The following IGF2BP1 variants were observed in gnomAD, a reference collection of about 807,000 sequenced individuals.
IGF2BP1 encodes the protein insulin like growth factor 2 mRNA binding protein 1.
A neutral mutation model predicts 74.9 loss-of-function variants in IGF2BP1; 11 were observed. The ratio of observed to expected loss-of-function variants is 0.15; its 90% CI spans 0.09 to 0.24. The LOEUF (loss-of-function observed/expected upper bound fraction) is 0.24. Among genes scored for constraint, IGF2BP1 ranks in the 10% least tolerant of loss-of-function variants. The probability of loss-of-function intolerance (pLI) is 1.00; values close to 1 mark genes in which losing one functional copy is unlikely to be tolerated. For missense variants in IGF2BP1, 440 were observed against 757.4 expected (o/e 0.58, Z 4.92); for synonymous variants, 287 against 281.8 (o/e 1.02, Z -0.18).
At chr17:49,047,250 A>T (rs1490166540) in intron 14 of IGF2BP1, among the ~76,000 whole-genome samples, 1 of 152,100 alleles carries the variant, frequency 6.6e-6, no homozygotes, top group African/African-American at 2.4e-5. Context: ...CCTTTCTGCT[A>T]TGTGACCTTG....
Position 49,055,319 on chromosome 17 carries a change from TCA to T in IGF2BP1, c.*5878_*5879del, listed in dbSNP as rs2042214528. The stretch of plus-strand genomic sequence containing the variant: ...TAGCTATTCCAACAGGTAACAGCTT[TCA>T]CAGTCTGCCCCTGGCCTGTCTCACC... On this transcript the variant is annotated 3_prime_UTR_variant, in exon 15 of 15. Coordinates refer to ENST00000290341, the MANE Select transcript of IGF2BP1 (RefSeq NM_006546.4). The T allele has an allele frequency of 3.7e-6, 1 of 271,202 alleles. No individual in the cohort carries two copies. Among genetic ancestry groups the T allele is most frequent in the African/African-American group, 2.2e-5 (1 of 45,790 alleles). The allele number at this position is 271,202 out of a possible 1,614,324, so 16.8% of individuals were successfully genotyped here.
intron 2 of IGF2BP1, among the ~76,000 whole-genome samples, chr17:49,008,172 C>CAA (rs78718299): frequency 0.028 from 2,518 of 90,140 alleles, 63 homozygotes; most frequent in African/African-American, 0.089. Flanking sequence ...AATTCCATCT[C>CAA]AAAAAAAAAA....
At position 49,038,240 on chromosome 17, in the gene IGF2BP1, G is replaced by A. The variant is rs1419679425; in HGVS notation, c.474G>A (p.Gln158=). The change falls in exon 6 of 15, where the codon CAG becomes CAA. Residue 158 remains glutamine, a synonymous_variant. Coordinates refer to ENST00000290341, the MANE Select transcript of IGF2BP1 (RefSeq NM_006546.4). ...ALKVSYIPDE[Q]IAQGPENGRR... is the part of the protein sequence containing the mutation. ...AGGTCTCCTACATCCCCGATGAGCA[G>A]ATAGCACAGGGACCTGAGAATGGGC... 2 of 1,587,832 alleles carry A rather than the reference G, an allele frequency of 1.3e-6. No homozygotes were observed. The highest frequency in any genetic ancestry group is 1.7e-6 in the Non-Finnish European group (2 of 1,165,838).
At chr17:49,011,046 G>A (rs2041610917) in intron 2 of IGF2BP1, among the ~76,000 whole-genome samples, 1 of 146,076 alleles carries the variant, frequency 6.8e-6, no homozygotes, top group South Asian at 2.2e-4. Context: ...GCTAAGGCAG[G>A]AGAATCGCTT....
intron 2 of IGF2BP1, among the ~76,000 whole-genome samples, chr17:49,021,294 G>A (rs567835302): frequency 1.3e-5 from 2 of 152,204 alleles, no homozygotes; most frequent in South Asian, 4.1e-4. Context: ...TCCCTCCCAG[G>A]GGCCCTGCTC....
chr17:49,019,944 A>G (rs866677935), intron 2 of IGF2BP1, among the ~76,000 whole-genome samples: 1,521 of 55,820 alleles, frequency 0.027, 64 homozygotes, highest in Non-Finnish European at 0.041. Context: ...ATATATATAT[A>G]TATATTTATA....
chr17:49,042,745 T>C (rs1251689480), intron 9 of IGF2BP1, among the ~76,000 whole-genome samples: 4 of 152,106 alleles, frequency 2.6e-5, no homozygotes, highest in Non-Finnish European at 5.9e-5. Context: ...GGCGCAATCA[T>C]AGCTTACTGC....
chr17:49,032,098 T>C (rs1247294985), intron 5 of IGF2BP1, 125 bp downstream of exon 5: 94 of 782,824 alleles, frequency 1.2e-4, no homozygotes, highest in Non-Finnish European at 2.1e-6. Context: ...AGGGTTCTGA[T>C]ATTAGCCCAA....
chr17:48,996,745 G>A (rs2041404268), upstream of IGF2BP1, among the ~76,000 whole-genome samples: 1 of 152,084 alleles, frequency 6.6e-6, no homozygotes, highest in Admixed American at 6.5e-5. Context: ...ATTTCCTGCG[G>A]CTTCCTCGTT....
chr17:49,005,250 T>C (rs369290272), intron 2 of IGF2BP1, among the ~76,000 whole-genome samples: 16 of 152,324 alleles, frequency 1.1e-4, no homozygotes, highest in East Asian at 3.9e-4. Flanking sequence ...CCTCATACTT[T>C]TAATACAGTT....
chr17:49,044,213 C>G (rs921989162), intron 11 of IGF2BP1, 127 bp downstream of exon 11: 1 of 1,322,060 alleles, frequency 7.6e-7, no homozygotes, highest in South Asian at 1.4e-5. Context: ...GGACCTTTCC[C>G]CCATGGAATC....
At chr17:49,046,079 C>A (rs770115574) in intron 13 of IGF2BP1, 58 bp downstream of exon 13, 5 of 1,592,164 alleles carry the variant, frequency 3.1e-6, no homozygotes, top group Non-Finnish European at 4.3e-6. Flanking sequence ...CTCAGCAGCT[C>A]TCTCTGGTCT....
chr17:49,007,273 A>G (rs946515451), intron 2 of IGF2BP1, among the ~76,000 whole-genome samples: 2 of 152,156 alleles, frequency 1.3e-5, no homozygotes, highest in Non-Finnish European at 2.9e-5. Flanking sequence ...GACTGCACAC[A>G]TTGTTCCCTA....
intron 2 of IGF2BP1, among the ~76,000 whole-genome samples, chr17:49,007,454 TACAC>T (rs968783079): frequency 6.6e-6 from 1 of 152,190 alleles, no homozygotes; most frequent in Non-Finnish European, 1.5e-5. Flanking sequence ...TACACATACA[TACAC>T]ACACGTCCAT....
At chr17:49,040,545 A>G (rs762004921) in intron 7 of IGF2BP1, among the ~76,000 whole-genome samples, 1 of 152,154 alleles carries the variant, frequency 6.6e-6, no homozygotes, top group Admixed American at 6.5e-5. Context: ...ATGACCTCCT[A>G]GAAATTCTGT....
intron 2 of IGF2BP1, among the ~76,000 whole-genome samples, chr17:49,000,242 G>A (rs764817717): frequency 2.7e-4 from 41 of 152,046 alleles, no homozygotes; most frequent in Non-Finnish European, 4.6e-4. Flanking sequence ...TGAAAACTTG[G>A]TACATTTCAG....
intron 14 of IGF2BP1, 147 bp from the exon 15 acceptor site, chr17:49,049,205 A>G (rs776316418): frequency 1.6e-6 from 1 of 638,888 alleles, no homozygotes; most frequent in Non-Finnish European, 2.7e-6. Context: ...GGTCACCCCA[A>G]CCCTCATTCT....
chr17:49,029,135 A>G (rs1417672667), intron 4 of IGF2BP1, among the ~76,000 whole-genome samples: 2 of 150,718 alleles, frequency 1.3e-5, no homozygotes, highest in Non-Finnish European at 3.0e-5. Flanking sequence ...CATAGCAGTC[A>G]TCACTGTCAA....
At chr17:49,026,567 G>T in intron 4 of IGF2BP1, 50 bp downstream of exon 4, 1 of 1,481,948 alleles carries the variant, frequency 6.7e-7, no homozygotes, top group Non-Finnish European at 9.4e-7. Context: ...GGTTGGAGGA[G>T]TTTGGTGCAT....
Sources: allele counts gnomAD v4.1 joint callset (sites outside exome capture counted in the v4.1 genomes callset), GRCh38; gene constraint gnomAD v4.1.1; transcripts MANE v1.5; gene names NCBI Gene and HGNC (gene_info 2026-07-23, HGNC 2026-07-21).